The following SEM1 variants were observed in gnomAD, a reference collection of about 807,000 sequenced individuals.
The protein encoded by SEM1 is 26S proteasome complex subunit SEM1.
Under a neutral mutation model 12.7 loss-of-function variants are expected in SEM1, and 3 were observed. That is an observed-to-expected ratio of 0.24 (90% CI 0.11 to 0.61). The LOEUF (loss-of-function observed/expected upper bound fraction) is 0.61. SEM1 is among the 20% of genes least tolerant of loss of function. The pLI, the probability that SEM1 is intolerant of heterozygous loss-of-function variation, is 0.88. For missense variants in SEM1, 59 were observed against 81.3 expected, an observed-to-expected ratio of 0.73 and a Z score of 1.06; for synonymous variants, 30 against 27.8, an observed-to-expected ratio of 1.08 and a Z score of -0.25.
intron 2 of SEM1, among the ~76,000 whole-genome samples, chr7:96,615,241 C>CTTTTTTTTTTTTTTTTTTTTTTT (rs60940244): frequency 3.2e-5 from 4 of 126,460 alleles, no homozygotes; most frequent in African/African-American, 1.3e-4. Flanking sequence ...TTTGAGTCAT[C>CTTTTTTTTTTTTTTTTTTTTTTT]TTTTTTTTTT....
At chr7:96,531,076 G>A (rs4566970) in intron 2 of SEM1, among the ~76,000 whole-genome samples, 43,487 of 152,006 alleles carry the variant, frequency 0.29, 6,332 homozygotes, top group Middle Eastern at 0.38. Flanking sequence ...AGAGATTTTA[G>A]TTTCTAAGAG....
intron 2 of SEM1, among the ~76,000 whole-genome samples, chr7:96,550,935 C>A (rs1805249774): frequency 1.3e-5 from 2 of 152,106 alleles, no homozygotes; most frequent in Non-Finnish European, 2.9e-5. Context: ...AAAGAAGAAA[C>A]CCTTGCACTA....
intron 2 of SEM1, among the ~76,000 whole-genome samples, chr7:96,633,864 A>G (rs1808347655): frequency 6.6e-6 from 1 of 152,152 alleles, no homozygotes; most frequent in Non-Finnish European, 1.5e-5. Flanking sequence ...TGCAGATGAT[A>G]TAATAGACTG....
chr7:96,621,725 T>C (rs766736600), downstream of SEM1: 11 of 152,244 alleles, frequency 7.2e-5, no homozygotes, highest in Non-Finnish European at 1.2e-4. Flanking sequence ...TGAGAAATTA[T>C]ATTAGCAAAT....
At chr7:96,542,833 T>G (rs114642097) in intron 2 of SEM1, among the ~76,000 whole-genome samples, 1 of 151,888 alleles carries the variant, frequency 6.6e-6, no homozygotes. Flanking sequence ...CAAATATCCT[T>G]TATTTAAGTT....
intron 2 of SEM1, among the ~76,000 whole-genome samples, chr7:96,549,184 A>C (rs1681428486): frequency 6.6e-6 from 1 of 152,176 alleles, no homozygotes. Flanking sequence ...CAGGAACATG[A>C]GGGTTGGTAG....
At chr7:96,619,120 G>T (rs1179695923), downstream of SEM1, among the ~76,000 whole-genome samples, 3 of 152,066 alleles carry the variant, frequency 2.0e-5, no homozygotes, top group Non-Finnish European at 4.4e-5. Context: ...TTGGAAACTT[G>T]CTAGACAATT....
At chr7:96,665,904 A>G (rs984192388) in intron 2 of SEM1, among the ~76,000 whole-genome samples, 1 of 152,188 alleles carries the variant, frequency 6.6e-6, no homozygotes, top group Non-Finnish European at 1.5e-5. Flanking sequence ...AGCCCTGCAG[A>G]TGAGAAAGCT....
intron 2 of SEM1, among the ~76,000 whole-genome samples, chr7:96,563,674 T>C (rs1174152712): frequency 1.3e-5 from 2 of 152,102 alleles, no homozygotes; most frequent in African/African-American, 4.8e-5. Flanking sequence ...CTCATTAACA[T>C]TAAGGTTTGT....
intron 2 of SEM1, among the ~76,000 whole-genome samples, chr7:96,553,670 T>G (rs968999685): frequency 3.9e-5 from 6 of 152,112 alleles, no homozygotes; most frequent in Non-Finnish European, 8.8e-5. Context: ...ATTGACTTGG[T>G]GATGCAGGCT....
chr7:96,688,673 A>C (rs67548673), downstream of SEM1: 35,189 of 293,416 alleles, frequency 0.12, 4,126 homozygotes, highest in African/African-American at 0.38. Flanking sequence ...TCATAATATG[A>C]AATTTTACTA....
intron 2 of SEM1, among the ~76,000 whole-genome samples, chr7:96,525,798 A>G (rs1804443650): frequency 6.6e-6 from 1 of 152,132 alleles, no homozygotes; most frequent in South Asian, 2.1e-4. Flanking sequence ...CGCCAACCCT[A>G]TTGTGAACTA....
chr7:96,485,744 G>T (rs1004695178), intron 2 of SEM1, among the ~76,000 whole-genome samples: 1 of 151,808 alleles, frequency 6.6e-6, no homozygotes, highest in African/African-American at 2.4e-5. Flanking sequence ...GTTTCACTAT[G>T]TTGGCCAGGT....
intron 2 of SEM1, among the ~76,000 whole-genome samples, chr7:96,623,260 C>T (rs1807951639): frequency 6.6e-6 from 1 of 152,052 alleles, no homozygotes; most frequent in East Asian, 1.9e-4. Flanking sequence ...TTAACATTGA[C>T]TCTCCTACTT....
At chr7:96,613,413 T>C (rs1807604114) in intron 2 of SEM1, among the ~76,000 whole-genome samples, 1 of 152,240 alleles carries the variant, frequency 6.6e-6, no homozygotes, top group Non-Finnish European at 1.5e-5. Context: ...GAATTCATTT[T>C]TTGAAAATTC....
intron 1 of SEM1, among the ~76,000 whole-genome samples, chr7:96,702,302 T>G (rs2115991008): frequency 6.6e-6 from 1 of 152,124 alleles, no homozygotes; most frequent in East Asian, 1.9e-4. Context: ...ACTTAGAGGG[T>G]CTGGGAGCAG....
chr7:96,559,938 T>C (rs888468020), intron 2 of SEM1, among the ~76,000 whole-genome samples: 1 of 152,118 alleles, frequency 6.6e-6, no homozygotes, highest in African/African-American at 2.4e-5. Flanking sequence ...AGAAACACCT[T>C]GAAGAAGGTG....
chr7:96,618,413 T>A (rs1345639489), downstream of SEM1, among the ~76,000 whole-genome samples: 1 of 152,216 alleles, frequency 6.6e-6, no homozygotes, highest in East Asian at 1.9e-4. Context: ...CTGAGCCTCC[T>A]GTATCTAGCT....
At chr7:96,510,145 T>G (rs946550478) in intron 2 of SEM1, among the ~76,000 whole-genome samples, 1 of 152,168 alleles carries the variant, frequency 6.6e-6, no homozygotes, top group Non-Finnish European at 1.5e-5. Flanking sequence ...CCCTTGGGTT[T>G]CCACAGGAAA....
Sources: gnomAD v4.1 joint callset for allele counts (sites outside exome capture counted in the v4.1 genomes callset) on GRCh38, gnomAD v4.1.1 for gene constraint, MANE v1.5 for transcripts, NCBI Gene and HGNC (gene_info 2026-07-23, HGNC 2026-07-21) for gene names.